The following ZWINT variants were observed in gnomAD, a reference collection of about 807,000 sequenced individuals.
The protein encoded by ZWINT is ZW10 interacting kinetochore protein, also known as outer kinetochore KNL1 complex subunit ZWINT.
Under a neutral mutation model 41.5 loss-of-function variants are expected in ZWINT, and 41 were observed. That is an observed-to-expected ratio of 0.99 (90% confidence interval 0.77 to 1.28). The LOEUF is 1.28. Among genes scored for constraint, ZWINT ranks in the 50% most tolerant of loss-of-function variants. The pLI, the probability that ZWINT is intolerant of heterozygous loss-of-function variation, is 0.00. For synonymous variants in ZWINT, 132 were observed against 126.8 expected (o/e 1.04, Z -0.28); for missense variants, 369 against 329.7 (o/e 1.12, Z -0.92).
chr10:56,360,138 A>G lies in ZWINT; in HGVS notation c.136T>C (p.Ser46Pro). ...AKILVEFVVD[S>P]QKKDKLLCSQ... ...CAGAGCAGCTTGTCTTTCTTCTGAG[A>G]GTCCTGCTCAGAGGGAGGGCAGAGA... Residue 46 changes from serine (S) to proline (P), a missense_variant, in exon 3 of 9, where the codon TCT becomes CCT. Ser to Pro is a moderately conservative substitution (Grantham distance 74, BLOSUM62 -1). Transcript: ENST00000373944. 6.2e-7 allele frequency: 1 copy of G among 1,613,984 alleles called. No individual in the cohort carries two copies. Among genetic ancestry groups the G allele is most frequent in the South Asian group, 1.1e-5 (1 of 91,084 alleles).
chr10:56,359,875 G>A, intron 3 of ZWINT, 22 bp from the exon 4 acceptor site: 1 of 1,611,110 alleles, frequency 6.2e-7, no homozygotes, highest in East Asian at 2.2e-5. Flanking sequence ...CACCAGGAAT[G>A]AGTACATGAG....
At position 56,360,365 on chromosome 10, in the gene ZWINT, T is replaced by C; in HGVS notation, c.60A>G (p.Ala20=). The part of the protein sequence containing the change: ...AAALEVLAEV[A]GILEPVGLQE... ...GCAGGCCTACAGGTTCCAAGATGCC[T>C]GCCACCTCAGCCAGGACCCTGGAGG... Residue 20 remains alanine, a synonymous_variant, in exon 2 of 9, where the codon GCA becomes GCG. Transcript: ENST00000373944. 2 of 1,614,180 alleles carry C rather than the reference T, an allele frequency of 1.2e-6. No homozygotes were observed. The highest frequency in any genetic ancestry group is 1.7e-6 in the Non-Finnish European group (2 of 1,180,014).
At chr10:56,360,452 CACAAACAAAT>C in intron 1 of ZWINT, 69 bp from the exon 2 acceptor site, 1 of 1,334,904 alleles carries the variant, frequency 7.5e-7, no homozygotes, top group African/African-American at 1.5e-5. Flanking sequence ...CGTGTGTGTA[CACAAACAAAT>C]GTGGATGTGT....
At chr10:56,360,534 G>A (rs957578686) in intron 1 of ZWINT, 151 bp from the exon 2 acceptor site, 2 of 683,270 alleles carry the variant, frequency 2.9e-6, no homozygotes, top group Non-Finnish European at 4.9e-6. Context: ...GGGCCTGAAG[G>A]GTCCACAGCC....
chr10:56,359,017 C>CA, intron 5 of ZWINT, 70 bp from the exon 6 acceptor site: 5 of 1,564,634 alleles, frequency 3.2e-6, no homozygotes, highest in Non-Finnish European at 4.3e-6. Context: ...CCAACCCCTC[C>CA]AGCCTACACC....
rs756998109 is a variant in ZWINT, at chr10:56,358,157, A to G, written c.*70T>C. On this transcript the variant is annotated 3_prime_UTR_variant, in exon 9 of 9. Transcript: ENST00000373944. ...GGAGTTCACAGTCTTTCCTGTAATG[A>G]TGGTTGGGAGGTGAGGGAAGTCAGA... The G allele has an allele frequency of 2.7e-6, 2 of 728,098 alleles. No individual in the cohort carries two copies. Among genetic ancestry groups the G allele is most frequent in the Non-Finnish European group, 5.2e-6 (2 of 385,296 alleles). 45.1% of individuals were successfully genotyped at this position (728,098 alleles called of 1,614,324 possible).
intron 4 of ZWINT, 73 bp from the exon 5 acceptor site, chr10:56,359,605 T>C: frequency 1.3e-6 from 2 of 1,586,876 alleles, no homozygotes; most frequent in African/African-American, 1.4e-5. Context: ...GATTGCAAGC[T>C]GGCACAACTC....
chr10:56,359,684 T>C lies in ZWINT; in HGVS notation c.423+3A>G. 2 of 1,614,174 alleles carry C rather than the reference T, an allele frequency of 1.2e-6. No individual in the cohort carries two copies. The highest frequency in any genetic ancestry group is 1.7e-6 in the Non-Finnish European group (2 of 1,180,028). On this transcript the variant is annotated splice_donor_region_variant and intron_variant, in intron 4 of 8. Transcript: ENST00000373944. ...TCCCTGTACTCAAGACCCCTGGGTG[T>C]ACCTTGGCCTGGAGCTGCTCAAAGG...
chr10:56,358,619 C>T lies in ZWINT; in HGVS notation c.729G>A (p.Pro243=), dbSNP rs754629002. Residue 243 remains proline, a synonymous_variant, in exon 7 of 9, where the codon CCG becomes CCA. Transcript: ENST00000373944. The part of the protein sequence containing the change: ...ENLPDDKPQQ[P]TRPQEQSTGD... ...CTGTACTCTGCTCCTGGGGTCGAGT[C>T]GGCTGCTGGGGTTTATCATCTGGAA... is the stretch of plus-strand genomic sequence containing the variant. 9.3e-6 allele frequency: 15 copies of T among 1,613,950 alleles called. No individual in the cohort carries two copies. Among genetic ancestry groups the T allele is most frequent in the Admixed American group, 3.3e-5 (2 of 59,996 alleles).
At position 56,358,899 on chromosome 10, in the gene ZWINT, G is replaced by A. The variant is rs778975303; in HGVS notation, c.529C>T (p.Arg177Cys). Residue 177 changes from arginine to cysteine, a missense_variant, in exon 6 of 9, where the codon CGT becomes TGT. By Grantham distance (180) the Arg-to-Cys change is radical (BLOSUM62 -3). Transcript: ENST00000373944. ...LAEVSAEVRE[R>C]KTGTQQELDR... Reference sequence around the variant, plus strand: ...AGCTCCTGCTGAGTCCCTGTCTTACGCTCCCTCACCTCTGCAGAAACCTCC... The same window carrying A: ...AGCTCCTGCTGAGTCCCTGTCTTACACTCCCTCACCTCTGCAGAAACCTCC... 26 of 1,613,844 alleles carry A rather than the reference G, an allele frequency of 1.6e-5. No individual in the cohort carries two copies. The South Asian group carries it at 1.9e-4, about 12-fold the overall frequency.
chr10:56,358,694 G>A lies in ZWINT; in HGVS notation c.654C>T (p.Thr218=), dbSNP rs747969898. Residue 218 remains threonine, a synonymous_variant, in exon 7 of 9, where the codon ACC becomes ACT. Coordinates refer to ENST00000373944, the MANE Select transcript of ZWINT (RefSeq NM_007057.4). ...RYQTFLQLLY[T]LQGKLLFPEA... ...CAGGGAACAACAGCTTACCCTGCAGGGTATACAGAAGCTGGAGGAAGGTCT... is the reference window on the plus strand; with the variant it reads ...CAGGGAACAACAGCTTACCCTGCAGAGTATACAGAAGCTGGAGGAAGGTCT... The A allele has an allele frequency of 9.9e-6, 16 of 1,614,026 alleles. 1 individual carries two copies. The East Asian group carries it at 1.8e-4, about 18-fold the overall frequency.
Position 56,361,195 on chromosome 10 carries a change from C to A in ZWINT, c.41+1G>T. On this transcript the variant is annotated splice_donor_variant, in intron 1 of 8. Transcript: ENST00000373944. LOFTEE classifies it high-confidence loss of function. ...GCTGCCACTTAGCCGCAAACACTTA[C>A]TCTAGGGCTGCAGCTTCCGCCTCTG... The A allele has an allele frequency of 6.2e-7, 1 of 1,613,388 alleles. No individual in the cohort carries two copies. The highest frequency in any genetic ancestry group is 8.5e-7 in the Non-Finnish European group (1 of 1,180,002).
At position 56,359,547 on chromosome 10, in the gene ZWINT, G is replaced by T. The variant is rs769369963; in HGVS notation, c.424-15C>A. On this transcript the variant is annotated splice_polypyrimidine_tract_variant and intron_variant, in intron 4 of 8. Coordinates refer to ENST00000373944, the MANE Select transcript of ZWINT (RefSeq NM_007057.4). ...GCCATTTGTTTCTACAGATAAGCAAGGGAGAAAGACCAAGAGAAGTCTATT... is the reference window on the plus strand; with the variant it reads ...GCCATTTGTTTCTACAGATAAGCAATGGAGAAAGACCAAGAGAAGTCTATT... 9 of 1,557,040 alleles carry T rather than the reference G, an allele frequency of 5.8e-6. No individual in the cohort carries two copies. In the Admixed American group the frequency reaches 1.0e-4, roughly 17 times the overall value.
At chr10:56,359,947 G>A in intron 3 of ZWINT, 71 bp downstream of exon 3, 1 of 1,606,406 alleles carries the variant, frequency 6.2e-7, no homozygotes, top group Non-Finnish European at 8.5e-7. Context: ...CAGCCAAATG[G>A]GAGACCTAAC....
At chr10:56,360,454 C>T (rs1049102383) in intron 1 of ZWINT, 71 bp from the exon 2 acceptor site, 1 of 1,296,242 alleles carries the variant, frequency 7.7e-7, no homozygotes, top group African/African-American at 1.5e-5. Flanking sequence ...TGTGTGTACA[C>T]AAACAAATGT....
chr10:56,358,249 C>CTCT (rs1838218323), intron 8 of ZWINT, 64 bp from the exon 9 acceptor site: 10 of 883,636 alleles, frequency 1.1e-5, no homozygotes, highest in Non-Finnish European at 1.9e-6. Context: ...GTAACATAAG[C>CTCT]TCTTTCCTGT....
chr10:56,358,340 G>T, intron 8 of ZWINT, 37 bp downstream of exon 8: 1 of 1,538,132 alleles, frequency 6.5e-7, no homozygotes, highest in Non-Finnish European at 9.0e-7. Context: ...TTCCACACTT[G>T]CAGTCCAGGG....
chr10:56,358,453 C>A lies in ZWINT; in HGVS notation c.799G>T (p.Gly267Cys), dbSNP rs1389321820. ...TTTACATCTCCAGCAGGTTGTAGAC[C>A]AACAGCCTTGGAGAAATACAGTATA... ...RDPGVSFKAV[G>C]LQPAGDVNLP is the part of the protein sequence containing the mutation. Residue 267 changes from glycine (G) to cysteine (C), a missense_variant, in exon 8 of 9, where the codon GGT becomes TGT. Coordinates refer to ENST00000373944, the MANE Select transcript of ZWINT (RefSeq NM_007057.4). 3.1e-6 allele frequency: 5 copies of A among 1,613,952 alleles called. No individual in the cohort carries two copies.
chr10:56,360,405 G>C (rs757299812), intron 1 of ZWINT, 22 bp from the exon 2 acceptor site: 39 of 1,603,544 alleles, frequency 2.4e-5, no homozygotes, highest in Non-Finnish European at 3.2e-5. Context: ...AGGAAACACA[G>C]GAAATTGCAG....
Sources: gnomAD v4.1 joint callset for allele counts on GRCh38, gnomAD v4.1.1 for gene constraint, MANE v1.5 for transcripts, NCBI Gene and HGNC (gene_info 2026-07-23, HGNC 2026-07-21) for gene names.